DMBT1: variants seen among roughly 807,000 people sequenced by gnomAD.
DMBT1 encodes the protein scavenger receptor cysteine-rich domain-containing protein DMBT1.
DMBT1 carries 198 observed loss-of-function variants against 252.9 expected under a neutral mutation model. The ratio of observed to expected loss-of-function variants is 0.78; its 90% CI spans 0.70 to 0.88. The LOEUF (loss-of-function observed/expected upper bound fraction) is 0.88. Among genes scored for constraint, DMBT1 ranks in the 40% least tolerant of loss-of-function variants. The probability of loss-of-function intolerance (pLI) is 0.00; values close to 1 mark genes in which losing one functional copy is unlikely to be tolerated. For missense variants in DMBT1, 2,432 were observed against 2,404.7 expected, an observed-to-expected ratio of 1.01 and a Z score of -0.24; for synonymous variants, 990 against 942.7, an observed-to-expected ratio of 1.05 and a Z score of -0.92.
chr10:122,599,088 A>C lies in DMBT1; in HGVS notation c.3271A>C (p.Ile1091Leu), dbSNP rs182291307. ...TGGCCATAGTGAAGACGCTGGTGTCATCTGCTCAGGTGGGCCTTCAAGAAC... is the reference window on the plus strand; with the variant it reads ...TGGCCATAGTGAAGACGCTGGTGTCCTCTGCTCAGGTGGGCCTTCAAGAAC... ...NCGHSEDAGV[I>L]CSASQSRPTP... The change falls in exon 26 of 56, where the codon ATC becomes CTC. Residue 1091 changes from isoleucine to leucine, a missense_variant. Around this residue, in one of 3 missense-constraint regions of DMBT1, gnomAD observed 1,264 missense variants for 1,082.2 expected, o/e 1.17. Coordinates refer to ENST00000338354, the MANE Select transcript of DMBT1 (RefSeq NM_001377530.1). 2 of 1,613,858 alleles carry C rather than the reference A, an allele frequency of 1.2e-6. No homozygotes were observed. Among genetic ancestry groups the C allele is most frequent in the Non-Finnish European group, 1.7e-6 (2 of 1,179,762 alleles).
Position 122,643,152 on chromosome 10 carries a change from C to T in DMBT1, c.7383C>T (p.Tyr2461=). The T allele has an allele frequency of 6.2e-7, 1 of 1,613,948 alleles. No homozygotes were observed. The highest frequency in any genetic ancestry group is 8.5e-7 in the Non-Finnish European group (1 of 1,179,870). Residue 2461 remains tyrosine, a synonymous_variant, in exon 56 of 56, where the codon TAC becomes TAT. Coordinates refer to ENST00000338354, the MANE Select transcript of DMBT1 (RefSeq NM_001377530.1). The part of the protein sequence containing the change: ...GCVRDDTYGP[Y]SSPSLRIARF... ...TGAGGGATGACACCTACGGACCCTACTCCTCGCCATCTCTTCGCATTGCCC... is the reference window on the plus strand; with the variant it reads ...TGAGGGATGACACCTACGGACCCTATTCCTCGCCATCTCTTCGCATTGCCC...
rs188286425 is a variant in DMBT1 at position 122,637,162 on chromosome 10, T to A, written c.6792T>A (p.Ser2264Arg). The change falls in exon 54 of 56, where the codon AGT becomes AGA. Residue 2264 changes from serine to arginine, a missense_variant. This residue lies in a region of DMBT1 where 1,162 missense variants were observed against 1,169.0 expected (regional missense o/e 0.99). Transcript: ENST00000338354. ...GTCTGCCAAATCACATGCAAGCCAG[T>A]GTGAGCAGGAGCTATCTCCAATCCT... Reference protein sequence around the residue: ...LLCLPNHMQASVSRSYLQSLG... With the variant: ...LLCLPNHMQARVSRSYLQSLG... The A allele has an allele frequency of 2.2e-4, 353 of 1,614,000 alleles. 1 individual carries two copies. In the African/African-American group the frequency reaches 3.9e-3, roughly 18 times the overall value.
At chr10:122,562,377 A>C (rs7081024) in intron 1 of DMBT1, among the ~76,000 whole-genome samples, 101,723 of 151,784 alleles carry the variant, frequency 0.67, 34,438 homozygotes, top group East Asian at 0.77. Flanking sequence ...CAGCACCCCC[A>C]AACCCAGCCC....
rs71486618 is a variant in DMBT1, at chr10:122,600,523, G to A, written c.3310+430G>A. Among the ~76,000 whole-genome samples, 60 of 152,308 alleles carry A rather than the reference G, an allele frequency of 3.9e-4. 1 individual carries two copies. In the South Asian group the frequency reaches 8.5e-3, roughly 22 times the overall value. On this transcript the variant is annotated intron_variant, in intron 27 of 55. Transcript: ENST00000338354. Reference sequence around the variant, plus strand: ...TGGAAACATTCCGAGATTATCATGGGCCACATTTGTATCCAGAAAAGGCAG... The same window carrying A: ...TGGAAACATTCCGAGATTATCATGGACCACATTTGTATCCAGAAAAGGCAG...
chr10:122,640,040 G>A lies in DMBT1; in HGVS notation c.6943G>A (p.Ala2315Thr), dbSNP rs1844247606. The A allele has an allele frequency of 1.2e-6, 2 of 1,612,748 alleles. No individual in the cohort carries two copies. The highest frequency in any genetic ancestry group is 2.7e-5 in the African/African-American group (2 of 74,886). ...CTGCTCTCTTGCCTGCCTCTCCTAG[G>A]CAGACAATGACACCATCGACTATTC... is the stretch of plus-strand genomic sequence containing the variant. ...PYSGCGTFKQ[A>T]DNDTIDYSNF... Residue 2315 changes from alanine (A) to threonine (T), a missense_variant and splice_region_variant, in exon 55 of 56, where the codon GCA (alanine) becomes ACA (threonine). Coordinates refer to ENST00000338354, the MANE Select transcript of DMBT1 (RefSeq NM_001377530.1).
At chr10:122,593,687 G>A in intron 21 of DMBT1, 89 bp downstream of exon 21, 3 of 1,409,856 alleles carry the variant, frequency 2.1e-6, no homozygotes, top group Admixed American at 4.0e-5. Flanking sequence ...CTGTTTCTCT[G>A]TGTGGATACT....
chr10:122,632,050 C>T (rs1303925483), intron 50 of DMBT1, among the ~76,000 whole-genome samples, 175 bp downstream of exon 50: 3 of 152,076 alleles, frequency 2.0e-5, no homozygotes, highest in African/African-American at 7.2e-5. Flanking sequence ...CCTCTCTGTG[C>T]TTCAGTGGCC....
rs1844942166 is a variant in DMBT1, at chr10:122,643,459, A to T, written c.*61A>T. ...CAGACCCCTGACTCGGGGACTTGGG[A>T]TGTTCCTCTTGGTGTCATATTCCAA... On this transcript the variant is annotated 3_prime_UTR_variant, in exon 56 of 56. Coordinates refer to ENST00000338354, the MANE Select transcript of DMBT1 (RefSeq NM_001377530.1). The T allele has an allele frequency of 6.5e-7, 1 of 1,539,470 alleles. No homozygotes were observed. The highest frequency in any genetic ancestry group is 8.8e-7 in the Non-Finnish European group (1 of 1,139,758).
rs775115411 is a variant in DMBT1, at chr10:122,570,215, G to T, written c.139+6G>T. On this transcript the variant is annotated splice_donor_region_variant and intron_variant, in intron 3 of 55. Transcript: ENST00000338354. The stretch of plus-strand genomic sequence containing the variant: ...GGATCCAACTGTAGCAGAAGGTAAG[G>T]TCTATTATGGGGGAACCCTGTGGGC... The T allele has an allele frequency of 4.1e-5, 64 of 1,580,044 alleles. No individual in the cohort carries two copies. The highest frequency in any genetic ancestry group is 2.3e-5 in the Non-Finnish European group (26 of 1,149,382).
At position 122,593,488 on chromosome 10, in the gene DMBT1, T is replaced by C. The variant is rs368076820; in HGVS notation, c.2501-81T>C. On this transcript the variant is annotated intron_variant, in intron 20 of 55. Coordinates refer to ENST00000338354, the MANE Select transcript of DMBT1 (RefSeq NM_001377530.1). ...AGGATGGACTGAGTGTCAGACTCGC[T>C]CATTTCTTTCCCTCCTCGTTCCAGT... 888 of 1,426,044 alleles carry C rather than the reference T, an allele frequency of 6.2e-4. 33 individuals carry two copies. The African/African-American group carries it at 9.3e-3, about 15-fold the overall frequency. 88.3% of individuals were successfully genotyped at this position (1,426,044 alleles called of 1,614,324 possible). A position where few individuals can be genotyped will look rare whatever the true frequency, so the allele number is the denominator to read the frequency against.
intron 52 of DMBT1, among the ~76,000 whole-genome samples, chr10:122,635,436 G>C (rs2098218842): frequency 6.6e-6 from 1 of 152,200 alleles, no homozygotes; most frequent in Non-Finnish European, 1.5e-5. Context: ...AGGGGCTGTA[G>C]ATTTCATATG....
rs1237213345 is a variant in DMBT1 at position 122,625,281 on chromosome 10, C to T, written c.5613C>T (p.Thr1871=). The T allele has an allele frequency of 6.2e-7, 1 of 1,611,156 alleles. No homozygotes were observed. The highest frequency in any genetic ancestry group is 2.2e-5 in the East Asian group (1 of 44,856). ...HEDAGVICSA[T]QINSTTTDWW... ...GTTTTCTTCTTTTCCTTGCAGCCAC[C>T]CAAATAAATTCTACTACGACAGGTG... is the stretch of plus-strand genomic sequence containing the variant. Residue 1871 remains threonine, a synonymous_variant, in exon 45 of 56, where the codon ACC becomes ACT. Transcript: ENST00000338354.
At chr10:122,587,072 G>T (rs928316153) in intron 16 of DMBT1, among the ~76,000 whole-genome samples, 6 of 148,486 alleles carry the variant, frequency 4.0e-5, no homozygotes, top group African/African-American at 1.5e-4. Context: ...GGCACATCAA[G>T]CCTCACCTCT....
intron 43 of DMBT1, 40 bp from the exon 44 acceptor site, chr10:122,621,017 A>G (rs2098062011): frequency 1.2e-6 from 2 of 1,611,152 alleles, no homozygotes. Context: ...CCTTGACCTC[A>G]TAATCAGTAT....
chr10:122,589,987 C>T (rs563923317), intron 17 of DMBT1, among the ~76,000 whole-genome samples: 1 of 148,578 alleles, frequency 6.7e-6, no homozygotes, highest in Admixed American at 6.7e-5. Flanking sequence ...TCCATCTTTC[C>T]CCCACTGAAA....
intron 9 of DMBT1, 135 bp from the exon 10 acceptor site, chr10:122,579,443 G>C: frequency 6.5e-7 from 1 of 1,544,894 alleles, no homozygotes; most frequent in South Asian, 1.2e-5. Flanking sequence ...ATGAAGCCTA[G>C]TCTGTGGTCA....
intron 52 of DMBT1, among the ~76,000 whole-genome samples, chr10:122,634,364 C>CTT (rs1555030008): frequency 3.2e-4 from 38 of 117,310 alleles, no homozygotes; most frequent in African/African-American, 6.3e-4. Flanking sequence ...TTCTTTCTTT[C>CTT]TTTCTTTCTT....
intron 19 of DMBT1, 75 bp from the exon 20 acceptor site, chr10:122,592,197 C>A: frequency 6.4e-7 from 1 of 1,556,582 alleles, no homozygotes. Context: ...TTAGGAAGTA[C>A]CCTGAGTGTG....
At chr10:122,623,060 C>T (rs181575075) in intron 44 of DMBT1, among the ~76,000 whole-genome samples, 51 of 152,232 alleles carry the variant, frequency 3.4e-4, no homozygotes, top group African/African-American at 1.2e-3. Flanking sequence ...ATTCATAATC[C>T]ATTTCTCTTT....
Sources: allele counts gnomAD v4.1 joint callset (sites outside exome capture counted in the v4.1 genomes callset), GRCh38; gene constraint gnomAD v4.1.1; regional missense constraint gnomAD v4.1.1; transcripts MANE v1.5; gene names NCBI Gene and HGNC (gene_info 2026-07-23, HGNC 2026-07-21).